TPO: variants seen among roughly 807,000 people sequenced by gnomAD.
The protein encoded by TPO is thyroid microsomal antigen.
TPO carries 78 observed loss-of-function variants against 96.9 expected under a neutral mutation model. The observed-to-expected ratio is 0.81, with a 90% CI of 0.67 to 0.97. The LOEUF is 0.97. Ranked by LOEUF, TPO falls within the 50% of genes least tolerant of loss-of-function variation. The pLI, the probability that TPO is intolerant of heterozygous loss-of-function variation, is 0.00. For synonymous variants in TPO, 547 were observed against 538.0 expected (o/e 1.02, Z -0.23); for missense variants, 1,252 against 1,274.8 (o/e 0.98, Z 0.27).
intron 10 of TPO, among the ~76,000 whole-genome samples, chr2:1,489,740 G>A (rs375406629): frequency 1.3e-5 from 2 of 152,270 alleles, no homozygotes; most frequent in Admixed American, 6.5e-5. Context: ...GGGAACAGGA[G>A]TAAGACCAGC....
intron 8 of TPO, among the ~76,000 whole-genome samples, chr2:1,478,530 A>C (rs114259417): frequency 3.2e-3 from 495 of 152,344 alleles, no homozygotes; most frequent in African/African-American, 0.011. Context: ...CCTTCACTGC[A>C]CTGGGGTCCA....
chr2:1,426,437 T>C (rs9677308), intron 3 of TPO, among the ~76,000 whole-genome samples: 43,442 of 144,896 alleles, frequency 0.3, 6,625 homozygotes, highest in African/African-American at 0.39. Flanking sequence ...AGTCCATGCT[T>C]CTTCTGTAAA....
intron 8 of TPO, chr2:1,478,095 A>G: frequency 3.0e-6 from 3 of 985,484 alleles, no homozygotes; most frequent in Non-Finnish European, 3.6e-6. Flanking sequence ...CAGTGAATGA[A>G]GAACCGACTC....
intron 15 of TPO, among the ~76,000 whole-genome samples, chr2:1,537,031 T>TCCCCCCACTGTGTGCA (rs1679863437): frequency 8.2e-5 from 1 of 12,226 alleles, no homozygotes; most frequent in African/African-American, 9.2e-4. Context: ...CGTCCTCAAA[T>TCCCCCCACTGTGTGCA]ACCCCCACTG....
intron 15 of TPO, among the ~76,000 whole-genome samples, chr2:1,528,358 C>A (rs1266125483): frequency 1.4e-5 from 2 of 141,970 alleles, no homozygotes; most frequent in Non-Finnish European, 3.0e-5. Flanking sequence ...CAAGTCCCCC[C>A]ATTGTGAGCA....
intron 15 of TPO, among the ~76,000 whole-genome samples, chr2:1,535,459 T>C (rs1573640515): frequency 3.2e-5 from 1 of 30,928 alleles, no homozygotes; most frequent in Non-Finnish European, 5.9e-5. Context: ...CTGTGCAACC[T>C]CCCCAAATCA....
At chr2:1,482,743 T>G (rs958738082) in intron 8 of TPO, among the ~76,000 whole-genome samples, 1 of 152,186 alleles carries the variant, frequency 6.6e-6, no homozygotes, top group Non-Finnish European at 1.5e-5. Flanking sequence ...GGTACAATCA[T>G]AGCTCACTGC....
At chr2:1,468,755 C>A (rs1335303537) in intron 7 of TPO, among the ~76,000 whole-genome samples, 1 of 152,202 alleles carries the variant, frequency 6.6e-6, no homozygotes, top group Non-Finnish European at 1.5e-5. Flanking sequence ...TCTAGGTCTC[C>A]AGCAAGGCCA....
chr2:1,393,809 A>G (rs1403900864), intron 1 of TPO, among the ~76,000 whole-genome samples: 1 of 152,242 alleles, frequency 6.6e-6, no homozygotes, highest in African/African-American at 2.4e-5. Flanking sequence ...ATTAGAATAC[A>G]TGAGAATTAG....
upstream of TPO, among the ~76,000 whole-genome samples, chr2:1,409,805 C>CAT (rs750799371): frequency 5.8e-3 from 885 of 151,754 alleles, 5 homozygotes; most frequent in Non-Finnish European, 8.9e-3. Context: ...CACACACACA[C>CAT]ACACATGCAC....
intron 13 of TPO, among the ~76,000 whole-genome samples, chr2:1,501,961 T>C (rs545279095): frequency 6.6e-6 from 1 of 152,050 alleles, no homozygotes; most frequent in African/African-American, 2.4e-5. Flanking sequence ...ACTGCAGGGA[T>C]GGGGTGAGGA....
At chr2:1,432,775 A>G (rs1322197365) in intron 3 of TPO, among the ~76,000 whole-genome samples, 3 of 87,864 alleles carry the variant, frequency 3.4e-5, no homozygotes, top group Non-Finnish European at 4.4e-5. Flanking sequence ...CCTGCAGGTG[A>G]GGGGAGGCAT....
At chr2:1,508,435 G>C (rs1310079015) in intron 14 of TPO, among the ~76,000 whole-genome samples, 2 of 152,170 alleles carry the variant, frequency 1.3e-5, no homozygotes, top group African/African-American at 4.8e-5. Flanking sequence ...TTTTTGTATT[G>C]ATTGGAATAG....
intron 8 of TPO, among the ~76,000 whole-genome samples, chr2:1,483,524 C>T (rs952438788): frequency 2.6e-5 from 4 of 152,206 alleles, no homozygotes; most frequent in Admixed American, 6.5e-5. Context: ...TTAGGAGGAG[C>T]CCCTTGGACA....
chr2:1,471,068 A>G (rs1669359542), intron 7 of TPO, among the ~76,000 whole-genome samples: 1 of 152,196 alleles, frequency 6.6e-6, no homozygotes, highest in Non-Finnish European at 1.5e-5. Flanking sequence ...CCGATGCTGC[A>G]CCTATTTGGG....
At chr2:1,540,810 C>CTGCATA in intron 16 of TPO, 87 bp downstream of exon 16, 2 of 1,606,230 alleles carry the variant, frequency 1.2e-6, no homozygotes, top group South Asian at 2.2e-5. Context: ...CTGGGGCTCC[C>CTGCATA]TGCATATTTC....
At chr2:1,536,982 CCCACTGTGTGCAACCT>C (rs1679835435) in intron 15 of TPO, among the ~76,000 whole-genome samples, 1 of 92,910 alleles carries the variant, frequency 1.1e-5, no homozygotes. Context: ...CCCAATCTCC[CCCACTGTGTGCAACCT>C]CAAATCCCCC....
chr2:1,499,328 C>T (rs923843323), intron 13 of TPO, among the ~76,000 whole-genome samples: 1 of 152,156 alleles, frequency 6.6e-6, no homozygotes, highest in African/African-American at 2.4e-5. Flanking sequence ...TGTAGACCAT[C>T]CTATGCCATC....
intron 7 of TPO, among the ~76,000 whole-genome samples, chr2:1,473,137 C>T (rs1669591225): frequency 6.6e-6 from 1 of 152,142 alleles, no homozygotes; most frequent in Non-Finnish European, 1.5e-5. Context: ...TTTATAAGGC[C>T]AGGTCTACTT....
Sources: allele counts gnomAD v4.1 joint callset (sites outside exome capture counted in the v4.1 genomes callset), GRCh38; gene constraint gnomAD v4.1.1; transcripts MANE v1.5; gene names NCBI Gene and HGNC (gene_info 2026-07-23, HGNC 2026-07-21).